IL17RC: variants seen among roughly 807,000 people sequenced by gnomAD.
IL17RC encodes the protein interleukin 17 receptor C.
A neutral mutation model predicts 86.7 loss-of-function variants in IL17RC; 53 were observed. The ratio of observed to expected loss-of-function variants is 0.61; its 90% confidence interval spans 0.49 to 0.77. The LOEUF (loss-of-function observed/expected upper bound fraction) is 0.77, where lower values mean the gene tolerates loss of function less well. Ranked by LOEUF, IL17RC falls within the 30% of genes least tolerant of loss-of-function variation. The pLI is 0.00. For missense variants in IL17RC, 957 were observed against 940.0 expected, an observed-to-expected ratio of 1.02 and a Z score of -0.24; for synonymous variants, 439 against 413.1, an observed-to-expected ratio of 1.06 and a Z score of -0.76.
At position 9,917,950 on chromosome 3, in the gene IL17RC, A is replaced by G; in HGVS notation, c.155A>G (p.Asp52Gly). 3.7e-6 allele frequency: 6 copies of G among 1,613,550 alleles called. No individual in the cohort carries two copies. The highest frequency in any genetic ancestry group is 5.1e-6 in the Non-Finnish European group (6 of 1,180,020). The change falls in exon 3 of 19, where the codon GAC (aspartate) becomes GGC (glycine). Residue 52 changes from aspartate (D) to glycine (G), a missense_variant. By Grantham distance (94) the Asp-to-Gly change is moderately conservative (BLOSUM62 -1). Transcript: ENST00000403601. Reference sequence around the variant, plus strand: ...AGTGACATACTCTGCCTGCCTGGGGACATCGTGCCTGCTCCGGGCCCCGTG... The same window carrying G: ...AGTGACATACTCTGCCTGCCTGGGGGCATCGTGCCTGCTCCGGGCCCCGTG... The part of the protein sequence containing the change: ...WDSDILCLPG[D>G]IVPAPGPVLA...
chr3:9,929,763 C>A, intron 12 of IL17RC, 89 bp from the exon 13 acceptor site: 1 of 1,418,596 alleles, frequency 7.0e-7, no homozygotes, highest in Non-Finnish European at 1.0e-6. Flanking sequence ...CCCAACCCAA[C>A]AGGCCTTCTG....
At chr3:9,921,095 C>T in intron 7 of IL17RC, 126 bp downstream of exon 7, 1 of 585,714 alleles carries the variant, frequency 1.7e-6, no homozygotes, top group South Asian at 2.3e-5. Context: ...TTCATTCATT[C>T]ATTCATTCAT....
In IL17RC at chr3:9,933,034, C is replaced by T. The variant is rs1364389626; in HGVS notation, c.1604C>T (p.Ser535Leu). ...GFERLVGALA[S>L]ALCQLPLRVA... ...GAGCGCCTGGTGGGCGCCCTGGCGT[C>T]GGCCCTGTGCCAGCTGCCGCTGCGC... Residue 535 changes from serine to leucine, a missense_variant, in exon 19 of 19, where the codon TCG becomes TTG. Physicochemically the swap from Ser to Leu is moderately radical, Grantham distance 145. Transcript: ENST00000403601. 6.4e-7 allele frequency: 1 copy of T among 1,552,724 alleles called. No homozygotes were observed. The highest frequency in any genetic ancestry group is 8.6e-7 in the Non-Finnish European group (1 of 1,158,554).
chr3:9,926,987 GC>G (rs1217792816), intron 9 of IL17RC, among the ~76,000 whole-genome samples: 1 of 152,138 alleles, frequency 6.6e-6, no homozygotes, highest in Non-Finnish European at 1.5e-5. Flanking sequence ...AAATGTTACT[GC>G]CTAACACAGC....
Position 9,928,385 on chromosome 3 carries a change from T to C in IL17RC, c.958T>C (p.Cys320Arg), listed in dbSNP as rs1431774990. Residue 320 changes from cysteine to arginine, a missense_variant, in exon 11 of 19, where the codon TGC becomes CGC. Transcript: ENST00000403601. ...TLQSWLLDAPCSLPAEAALCW... is the reference protein window; with the variant it reads ...TLQSWLLDAPRSLPAEAALCW... The stretch of plus-strand genomic sequence containing the variant: ...GCAGAGCTGGCTGCTGGACGCACCG[T>C]GCTCGCTGCCCGCAGAAGCGGCACT... 1 of 1,605,178 alleles carries C rather than the reference T, an allele frequency of 6.2e-7. No homozygotes were observed. The highest frequency in any genetic ancestry group is 8.5e-7 in the Non-Finnish European group (1 of 1,175,874).
chr3:9,931,470 C>T (rs2648622), intron 16 of IL17RC, among the ~76,000 whole-genome samples: 4,370 of 39,970 alleles, frequency 0.11, 176 homozygotes, highest in East Asian at 0.33. Flanking sequence ...CACACACACA[C>T]ATATATATAT....
rs1029808780 is a variant in IL17RC at position 9,917,439 on chromosome 3, G to A, written c.105+19G>A. On this transcript the variant is annotated intron_variant, in intron 1 of 18. Coordinates refer to ENST00000403601, the MANE Select transcript of IL17RC (RefSeq NM_153460.4). ...CTCTCCGGTGAGTCTGGAACCCTGGGGAGACGAGGAAAGGCTCAGGGTTCA... is the reference window on the plus strand; with the variant it reads ...CTCTCCGGTGAGTCTGGAACCCTGGAGAGACGAGGAAAGGCTCAGGGTTCA... 6.2e-7 allele frequency: 1 copy of A among 1,614,190 alleles called. No individual in the cohort carries two copies. The highest frequency in any genetic ancestry group is 1.3e-5 in the African/African-American group (1 of 75,056).
chr3:9,932,818 A>G lies in IL17RC; in HGVS notation c.1484-2A>G, dbSNP rs745808982. The G allele has an allele frequency of 4.5e-6, 7 of 1,564,216 alleles. No homozygotes were observed. In the South Asian group the frequency reaches 8.5e-5, roughly 19 times the overall value. ...GCTGCCTCCGCCCCTCTCCCCTAAC[A>G]GGGTGGCTGAGGCTCTTGAAACAGG... On this transcript the variant is annotated splice_acceptor_variant, in intron 17 of 18. Transcript: ENST00000403601. LOFTEE classifies it high-confidence loss of function.
Position 9,930,946 on chromosome 3 carries a change from G to GAGT in IL17RC, c.1387+5_1387+7dup, listed in dbSNP as rs1462113246. The GAGT allele has an allele frequency of 3.7e-6, 6 of 1,613,158 alleles. No homozygotes were observed. Among genetic ancestry groups the GAGT allele is most frequent in the Non-Finnish European group, 5.1e-6 (6 of 1,179,088 alleles). ...ATGGGCCTGCCCCATGGACAAATGT[G>GAGT]AGTATTGTAAGAACTGCCTTTCCTT... On this transcript the variant is annotated splice_donor_region_variant and intron_variant, in intron 16 of 18. Transcript: ENST00000403601. This position sits in a 1 kb window ranked among gnomAD's most constrained non-coding sequence, Gnocchi z 5.8.
intron 16 of IL17RC, 138 bp downstream of exon 16, chr3:9,931,081 T>C: frequency 1.3e-6 from 1 of 771,248 alleles, no homozygotes. Context: ...CTTCATTCAC[T>C]CAAAAAATGA....
At chr3:9,918,669 C>A in intron 5 of IL17RC, 60 bp downstream of exon 5, 1 of 1,139,314 alleles carries the variant, frequency 8.8e-7, no homozygotes, top group Non-Finnish European at 1.3e-6. Flanking sequence ...TTTTCACATG[C>A]ATTATCTCTT....
chr3:9,926,000 G>T (rs368637011), intron 9 of IL17RC, among the ~76,000 whole-genome samples: 12 of 148,538 alleles, frequency 8.1e-5, no homozygotes, highest in African/African-American at 2.7e-4. Context: ...GGGACTGCAG[G>T]CATGCGCCAC....
intron 2 of IL17RC, 57 bp downstream of exon 2, chr3:9,917,791 G>A: frequency 6.2e-7 from 1 of 1,610,734 alleles, no homozygotes; most frequent in Non-Finnish European, 8.5e-7. Context: ...GAGCAGAGCT[G>A]TCCCAGGCCC....
At chr3:9,922,246 C>T (rs2083646056) in intron 7 of IL17RC, among the ~76,000 whole-genome samples, 2 of 152,134 alleles carry the variant, frequency 1.3e-5, no homozygotes, top group African/African-American at 2.4e-5. Flanking sequence ...CCGCCACGTC[C>T]GGCCAATTTG....
chr3:9,933,180 G>T lies in IL17RC; in HGVS notation c.1750G>T (p.Gly584Cys). The change falls in exon 19 of 19, where the codon GGT becomes TGT. Residue 584 changes from glycine (G) to cysteine (C), a missense_variant. Gly to Cys is a radical substitution (Grantham distance 159). Coordinates refer to ENST00000403601, the MANE Select transcript of IL17RC (RefSeq NM_153460.4). ...GGVVVLLFSPGAVALCSEWLQ... is the reference protein window; with the variant it reads ...GGVVVLLFSPCAVALCSEWLQ... ...CGTGGTGGTCTTGCTCTTCTCTCCC[G>T]GTGCGGTGGCGCTGTGCAGCGAGTG... The T allele has an allele frequency of 6.2e-7, 1 of 1,607,668 alleles. No homozygotes were observed.
chr3:9,917,800 C>T lies in IL17RC; in HGVS notation c.127+66C>T, dbSNP rs73814308. 3,131 of 1,605,802 alleles carry T rather than the reference C, an allele frequency of 1.9e-3. 47 individuals are homozygous for T. The African/African-American group carries it at 0.036, about 18-fold the overall frequency. ...CGAAGGGAGCAGAGCTGTCCCAGGCCCATGCCCTCCATGCCCACCTCAGCC... is the reference window on the plus strand; with the variant it reads ...CGAAGGGAGCAGAGCTGTCCCAGGCTCATGCCCTCCATGCCCACCTCAGCC... On this transcript the variant is annotated intron_variant, in intron 2 of 18. Coordinates refer to ENST00000403601, the MANE Select transcript of IL17RC (RefSeq NM_153460.4).
intron 7 of IL17RC, 43 bp from the exon 8 acceptor site, chr3:9,923,838 G>T: frequency 1.2e-6 from 2 of 1,607,534 alleles, no homozygotes; most frequent in Non-Finnish European, 1.7e-6. Flanking sequence ...ATGCAGAAGA[G>T]GTGAGGAAGT....
At position 9,930,528 on chromosome 3, in the gene IL17RC, A is replaced by G. The variant is rs1314913702; in HGVS notation, c.1338+69A>G. ...ACAGGCCTAAAACTAGCACTCACCT[A>G]CTGTCTATTTAGGCTTATTTTATGT... is the stretch of plus-strand genomic sequence containing the variant. On this transcript the variant is annotated intron_variant, in intron 15 of 18. Coordinates refer to ENST00000403601, the MANE Select transcript of IL17RC (RefSeq NM_153460.4). The surrounding 1 kb of genome is among the most constrained non-coding windows in gnomAD (Gnocchi z 5.8). 2 of 1,450,620 alleles carry G rather than the reference A, an allele frequency of 1.4e-6. No individual in the cohort carries two copies. Among genetic ancestry groups the G allele is most frequent in the African/African-American group, 2.8e-5 (2 of 71,536 alleles). 89.9% of individuals were successfully genotyped at this position (1,450,620 alleles called of 1,614,324 possible).
In IL17RC at chr3:9,924,054, T is replaced by C. The variant is rs1232853565; in HGVS notation, c.762+34T>C. ...TCCCCCTTCCCAAGTCCATTCCCAC[T>C]GTAGGCCGATGCCTGTGCAAAGGAC... On this transcript the variant is annotated intron_variant, in intron 8 of 18. Coordinates refer to ENST00000403601, the MANE Select transcript of IL17RC (RefSeq NM_153460.4). 3.7e-6 allele frequency: 6 copies of C among 1,612,028 alleles called. No homozygotes were observed. The East Asian group carries it at 1.3e-4, about 36-fold the overall frequency.
Sources: gnomAD v4.1 joint callset for allele counts (sites outside exome capture counted in the v4.1 genomes callset) on GRCh38, gnomAD v4.1.1 for gene constraint, Gnocchi (gnomAD v3.1) non-coding constraint, MANE v1.5 for transcripts, NCBI Gene and HGNC (gene_info 2026-07-23, HGNC 2026-07-21) for gene names.